ADGRL2: variants seen among roughly 807,000 people sequenced by gnomAD.
ADGRL2 encodes calcium-independent alpha-latrotoxin receptor 2.
A neutral mutation model predicts 157.4 loss-of-function variants in ADGRL2; 44 were observed. That is an observed-to-expected ratio of 0.28 (90% CI 0.22 to 0.36). ADGRL2 has a LOEUF of 0.36. ADGRL2 is among the 10% of genes least tolerant of loss of function. The pLI, the probability that ADGRL2 is intolerant of heterozygous loss-of-function variation, is 1.00. For synonymous variants in ADGRL2, 585 were observed against 624.7 expected (o/e 0.94, Z 0.95); for missense variants, 1,510 against 1,768.9 (o/e 0.85, Z 2.63).
At chr1:81,317,728 T>C (rs1660211143) in intron 1 of ADGRL2, among the ~76,000 whole-genome samples, 1 of 152,204 alleles carries the variant, frequency 6.6e-6, no homozygotes, top group Non-Finnish European at 1.5e-5. Flanking sequence ...ATAACTGTTC[T>C]TAAAATTTTT....
chr1:81,987,511 T>C, intron 22 of ADGRL2: 1 of 623,944 alleles, frequency 1.6e-6, no homozygotes, highest in Non-Finnish European at 2.9e-6. Flanking sequence ...ATGGTAGTTT[T>C]CTTTTTTCTT....
chr1:81,762,133 G>A (rs763750216), intron 2 of ADGRL2, among the ~76,000 whole-genome samples: 2 of 151,944 alleles, frequency 1.3e-5, no homozygotes, highest in Non-Finnish European at 2.9e-5. Context: ...TTGTTTTCTG[G>A]GGTAATTTAT....
intron 2 of ADGRL2, among the ~76,000 whole-genome samples, chr1:81,482,449 A>T (rs1348850342): frequency 7.2e-6 from 1 of 138,008 alleles, no homozygotes; most frequent in Admixed American, 7.9e-5. Context: ...ATAATTTATT[A>T]TTTTAAAATA....
intron 3 of ADGRL2, among the ~76,000 whole-genome samples, chr1:81,631,445 G>C (rs1026190495): frequency 6.6e-6 from 1 of 152,064 alleles, no homozygotes; most frequent in African/African-American, 2.4e-5. Flanking sequence ...TGGAACTCCT[G>C]ACCTCAAGTA....
Position 81,987,048 on chromosome 1 carries a change from TA to T in ADGRL2, c.3637+23del, listed in dbSNP as rs768332530. The T allele has an allele frequency of 1.3e-5, 21 of 1,607,766 alleles. No individual in the cohort carries two copies. In the African/African-American group the frequency reaches 2.8e-4, roughly 21 times the overall value. ...TCACCAGGTGTGCTTTACTTACAAA[TA>T]AAACTACCTTTCTTTGCTGCTAAAC... On this transcript the variant is annotated intron_variant, in intron 22 of 23. Transcript: ENST00000686636.
At chr1:81,557,029 A>AG (rs1453739504) in intron 2 of ADGRL2, 2 of 179,096 alleles carry the variant, frequency 1.1e-5, no homozygotes, top group Non-Finnish European at 2.3e-5. Flanking sequence ...CTCAAAAAAA[A>AG]AAAAAAGAAA....
chr1:81,420,782 C>T (rs896576460), intron 1 of ADGRL2, among the ~76,000 whole-genome samples: 37 of 152,074 alleles, frequency 2.4e-4, no homozygotes, highest in Admixed American at 8.5e-4. Context: ...CCTAGGTCGT[C>T]GGTGGGAAGT....
chr1:81,339,370 T>G (rs748240502), intron 1 of ADGRL2, among the ~76,000 whole-genome samples: 1 of 152,228 alleles, frequency 6.6e-6, no homozygotes, highest in Non-Finnish European at 1.5e-5. Context: ...CATATGTGTG[T>G]TGCATACATG....
At chr1:81,469,564 T>TATCC (rs1341899272) in intron 2 of ADGRL2, among the ~76,000 whole-genome samples, 1 of 152,240 alleles carries the variant, frequency 6.6e-6, no homozygotes, top group Non-Finnish European at 1.5e-5. Flanking sequence ...TTTGGTATCT[T>TATCC]ATCCCCCAGT....
intron 3 of ADGRL2, among the ~76,000 whole-genome samples, chr1:81,587,812 G>T (rs1026641585): frequency 6.6e-6 from 1 of 152,132 alleles, no homozygotes; most frequent in African/African-American, 2.4e-5. Flanking sequence ...AGCCTTTGCT[G>T]TGAAAATAAA....
intron 3 of ADGRL2, among the ~76,000 whole-genome samples, chr1:81,925,903 A>C (rs2095094111): frequency 6.6e-6 from 1 of 151,988 alleles, no homozygotes; most frequent in East Asian, 1.9e-4. Context: ...TTATGGCATA[A>C]TTTTCTTCTT....
chr1:81,979,295 C>T (rs2149420187), intron 17 of ADGRL2, among the ~76,000 whole-genome samples: 1 of 151,930 alleles, frequency 6.6e-6, no homozygotes, highest in Admixed American at 6.6e-5. Flanking sequence ...AAAAAAAAGA[C>T]TGATGATGGC....
intron 2 of ADGRL2, among the ~76,000 whole-genome samples, chr1:81,903,473 G>C (rs1296628783): frequency 6.6e-6 from 1 of 151,894 alleles, no homozygotes; most frequent in African/African-American, 2.4e-5. Context: ...GCATGGGTTA[G>C]AATCTAACGT....
intron 2 of ADGRL2, among the ~76,000 whole-genome samples, chr1:81,578,832 G>A (rs2080848261): frequency 6.6e-6 from 1 of 152,114 alleles, no homozygotes; most frequent in African/African-American, 2.4e-5. Context: ...GCACATTTAT[G>A]TAGTTCCCCC....
intron 1 of ADGRL2, among the ~76,000 whole-genome samples, chr1:81,759,064 A>G (rs996958753): frequency 6.6e-6 from 1 of 152,160 alleles, no homozygotes; most frequent in Non-Finnish European, 1.5e-5. Flanking sequence ...GACCTCAATT[A>G]TAGTTAAAAA....
intron 3 of ADGRL2, among the ~76,000 whole-genome samples, chr1:81,672,894 G>A (rs1323149004): frequency 6.6e-6 from 1 of 152,198 alleles, no homozygotes; most frequent in East Asian, 1.9e-4. Flanking sequence ...ATTTGGAAAT[G>A]TTTGAAAACA....
intron 1 of ADGRL2, among the ~76,000 whole-genome samples, chr1:81,716,608 C>T (rs2084126004): frequency 6.6e-6 from 1 of 152,078 alleles, no homozygotes; most frequent in South Asian, 2.1e-4. Flanking sequence ...TAAAGCAGTG[C>T]AACCATCTGT....
At chr1:81,655,819 G>A (rs199877080) in intron 3 of ADGRL2, among the ~76,000 whole-genome samples, 1 of 24,060 alleles carries the variant, frequency 4.2e-5, no homozygotes, top group Admixed American at 3.5e-4. Flanking sequence ...TGGCTCTTAT[G>A]TGTGTGTGTG....
At position 81,427,325 on chromosome 1, in the gene ADGRL2, G is replaced by T. The variant is rs888981336; in HGVS notation, c.-301-17711G>T. On this transcript the variant is annotated intron_variant, in intron 1 of 24. Transcript: ENST00000370721. ...TGGTGGCAACTATGACAGTCGTCCT[G>T]GTTATAGTAGTAGAGGGGGCTATGG... 76 of 726,552 alleles carry T rather than the reference G, an allele frequency of 1.0e-4. No homozygotes were observed. In the African/African-American group the frequency reaches 1.1e-3, roughly 11 times the overall value. The allele number at this position is 726,552 out of a possible 1,614,324, so 45.0% of individuals were successfully genotyped here.
Sources: allele counts gnomAD v4.1 joint callset (sites outside exome capture counted in the v4.1 genomes callset), GRCh38; gene constraint gnomAD v4.1.1; transcripts MANE v1.5; gene names NCBI Gene and HGNC (gene_info 2026-07-23, HGNC 2026-07-21).